Variants in HEMK2 observed in about 807,000 individuals in gnomAD.
The protein encoded by HEMK2 is HemK methyltransferase 2, ETF1 glutamine and histone H4 lysine.
chr21:28,797,433 C>CA, the HEMK2 span, among the ~76,000 whole-genome samples: 2,358 of 127,480 alleles, frequency 0.018, 67 homozygotes, highest in African/African-American at 0.074. Context: ...CTGTCTCTAC[C>CA]AAAAAAAACA....
chr21:28,711,734 T>C, the HEMK2 span, among the ~76,000 whole-genome samples: 1 of 152,140 alleles, frequency 6.6e-6, no homozygotes, highest in Non-Finnish European at 1.5e-5. Flanking sequence ...GAAGAATTAA[T>C]AGGATTCATC....
At chr21:28,645,000 C>A in the HEMK2 span, among the ~76,000 whole-genome samples, 1 of 152,166 alleles carries the variant, frequency 6.6e-6, no homozygotes, top group Non-Finnish European at 1.5e-5. Context: ...ACTGAATGTG[C>A]ATGCCCTTGG....
the HEMK2 span, among the ~76,000 whole-genome samples, chr21:28,705,405 A>C: frequency 6.6e-6 from 1 of 152,176 alleles, no homozygotes. Flanking sequence ...TTCCTAACTC[A>C]TTCATTGATA....
At chr21:28,619,368 C>A in the HEMK2 span, among the ~76,000 whole-genome samples, 2 of 152,150 alleles carry the variant, frequency 1.3e-5, no homozygotes, top group Non-Finnish European at 1.5e-5. Context: ...TTTAAGAGAA[C>A]ATGAAGTAAA....
the HEMK2 span, among the ~76,000 whole-genome samples, chr21:28,633,073 C>G: frequency 6.6e-6 from 1 of 152,276 alleles, no homozygotes; most frequent in East Asian, 1.9e-4. Flanking sequence ...AACCAGCCAC[C>G]AAACTCTGAT....
chr21:28,713,755 CCGT>C, the HEMK2 span, among the ~76,000 whole-genome samples: 7 of 152,308 alleles, frequency 4.6e-5, no homozygotes, highest in African/African-American at 1.7e-4. Context: ...CTGTCTACCT[CCGT>C]CTTTAGACCA....
At chr21:28,774,283 A>G in the HEMK2 span, among the ~76,000 whole-genome samples, 1 of 152,180 alleles carries the variant, frequency 6.6e-6, no homozygotes, top group African/African-American at 2.4e-5. Flanking sequence ...AAAAACTGTT[A>G]CCAATATTAA....
At chr21:28,616,074 A>G in the HEMK2 span, among the ~76,000 whole-genome samples, 1 of 152,224 alleles carries the variant, frequency 6.6e-6, no homozygotes, top group Non-Finnish European at 1.5e-5. Context: ...CTCCAGAGGG[A>G]ACATTTTGTA....
At chr21:28,629,575 C>T in the HEMK2 span, among the ~76,000 whole-genome samples, 1 of 152,126 alleles carries the variant, frequency 6.6e-6, no homozygotes, top group Non-Finnish European at 1.5e-5. Context: ...AAGAGTGGAC[C>T]GCAGGCAGCA....
chr21:28,727,770 T>C, the HEMK2 span, among the ~76,000 whole-genome samples: 1 of 152,240 alleles, frequency 6.6e-6, no homozygotes, highest in Non-Finnish European at 1.5e-5. Flanking sequence ...GCCTGATTTC[T>C]TTGGGAAGAA....
the HEMK2 span, among the ~76,000 whole-genome samples, chr21:28,626,402 A>G: frequency 1.3e-5 from 2 of 152,202 alleles, no homozygotes; most frequent in Non-Finnish European, 2.9e-5. Context: ...ATAAATCCTA[A>G]AACAAATTAG....
At chr21:28,589,994 C>G in the HEMK2 span, among the ~76,000 whole-genome samples, 1 of 152,150 alleles carries the variant, frequency 6.6e-6, no homozygotes, top group East Asian at 1.9e-4. Context: ...CACACATTTC[C>G]AGATTTCCCC....
chr21:28,647,189 G>GA, the HEMK2 span, among the ~76,000 whole-genome samples: 1 of 151,772 alleles, frequency 6.6e-6, no homozygotes. Flanking sequence ...AGGTGGTACA[G>GA]AAAGTAGCAC....
At chr21:28,810,493 T>C in the HEMK2 span, among the ~76,000 whole-genome samples, 4 of 152,334 alleles carry the variant, frequency 2.6e-5, no homozygotes, top group East Asian at 7.7e-4. Context: ...GTCACCTGCC[T>C]GCTGGTGCAA....
the HEMK2 span, chr21:28,882,057 T>C: frequency 1.4e-5 from 11 of 779,206 alleles, 1 homozygote; most frequent in African/African-American, 9.1e-5. Flanking sequence ...CATGGTATAC[T>C]GCTTAGTGGG....
the HEMK2 span, among the ~76,000 whole-genome samples, chr21:28,827,098 T>C: frequency 6.6e-6 from 1 of 152,222 alleles, no homozygotes; most frequent in South Asian, 2.1e-4. Context: ...CAGATAGTTA[T>C]GATGTGCCAT....
At chr21:28,713,507 G>A in the HEMK2 span, among the ~76,000 whole-genome samples, 140 of 152,288 alleles carry the variant, frequency 9.2e-4, no homozygotes, top group Middle Eastern at 3.4e-3. Flanking sequence ...AGGAAAACCT[G>A]TGATCCCCAA....
chr21:28,779,373 G>A, the HEMK2 span, among the ~76,000 whole-genome samples: 4 of 152,190 alleles, frequency 2.6e-5, no homozygotes, highest in South Asian at 2.1e-4. Context: ...AATAGAAAGA[G>A]TAATACTGTA....
At chr21:28,709,149 G>A in the HEMK2 span, among the ~76,000 whole-genome samples, 21 of 152,226 alleles carry the variant, frequency 1.4e-4, no homozygotes, top group Middle Eastern at 3.4e-3. Context: ...TGACCTAATC[G>A]CCACCCAAAG....
Sources: allele counts gnomAD v4.1 joint callset (sites outside exome capture counted in the v4.1 genomes callset), GRCh38; gene constraint gnomAD v4.1.1; transcripts MANE v1.5; gene names NCBI Gene and HGNC (gene_info 2026-07-23, HGNC 2026-07-21).